The following DCAF8L2 variants were observed in gnomAD, a reference collection of about 807,000 sequenced individuals.
DCAF8L2 encodes DDB1 and CUL4 associated factor 8 like 2, also known as DDB1- and CUL4-associated factor 8-like protein 2.
For missense variants in DCAF8L2, 430 were observed against 490.7 expected (o/e 0.88, Z 1.17); for synonymous variants, 200 against 190.9 (o/e 1.05, Z -0.39).
intron 1 of DCAF8L2, among the ~76,000 whole-genome samples, chrX:27,626,143 G>A (rs770605947): frequency 1.8e-5 from 2 of 111,840 alleles, no homozygotes; most frequent in Non-Finnish European, 3.8e-5. Context: ...CTTTTTGAGG[G>A]AGCAGCAGGA....
chrX:27,476,122 G>C, the DCAF8L2 span, among the ~76,000 whole-genome samples: 1 of 110,712 alleles, frequency 9.0e-6, no homozygotes, highest in East Asian at 2.8e-4. Flanking sequence ...AAGGGGACAA[G>C]AGGAGAAAGG....
chrX:27,490,006 AG>A, the DCAF8L2 span, among the ~76,000 whole-genome samples: 7 of 111,473 alleles, frequency 6.3e-5, no homozygotes, highest in Admixed American at 5.7e-4. Context: ...CCTCCTGAGT[AG>A]CTAGGACTAC....
intron 3 of DCAF8L2, among the ~76,000 whole-genome samples, chrX:27,702,675 TAAC>T (rs1369402256): frequency 1.8e-5 from 2 of 111,043 alleles, no homozygotes; most frequent in African/African-American, 6.5e-5. Flanking sequence ...TAAAGCATCT[TAAC>T]AAGCTAGTAA....
At chrX:27,641,000 C>A (rs1928695781) in intron 2 of DCAF8L2, among the ~76,000 whole-genome samples, 1 of 111,546 alleles carries the variant, frequency 9.0e-6, no homozygotes, top group South Asian at 3.7e-4. Context: ...GAAAATAGTA[C>A]AATTTATTTC....
chrX:27,729,950 T>A (rs1910570158), intron 4 of DCAF8L2, among the ~76,000 whole-genome samples: 1 of 112,130 alleles, frequency 8.9e-6, no homozygotes, highest in African/African-American at 3.2e-5. Context: ...ATGGTTGAGA[T>A]AAGCATTGCA....
intron 3 of DCAF8L2, among the ~76,000 whole-genome samples, chrX:27,685,237 T>A (rs1930462236): frequency 8.9e-6 from 1 of 111,775 alleles, no homozygotes; most frequent in South Asian, 3.7e-4. Flanking sequence ...TGGGAAAAAT[T>A]TAAGTGACAA....
At chrX:27,553,524 T>A in the DCAF8L2 span, among the ~76,000 whole-genome samples, 375 of 111,566 alleles carry the variant, frequency 3.4e-3, 1 homozygote, top group African/African-American at 0.011. Flanking sequence ...TCTTTTTTTT[T>A]AAATCTTCTT....
intron 3 of DCAF8L2, among the ~76,000 whole-genome samples, chrX:27,708,818 C>T (rs925683674): frequency 1.8e-5 from 2 of 112,791 alleles, no homozygotes; most frequent in South Asian, 7.3e-4. Flanking sequence ...TTTCTTTCTA[C>T]TACCCATTTA....
At chrX:27,591,011 AT>A (rs1926058614) in intron 1 of DCAF8L2, among the ~76,000 whole-genome samples, 1 of 97,493 alleles carries the variant, frequency 1.0e-5, no homozygotes, top group Admixed American at 1.2e-4. Context: ...ATATATATAT[AT>A]ATAAATAAAT....
chrX:27,519,335 G>T, the DCAF8L2 span: 1 of 1,133,618 alleles, frequency 8.8e-7, no homozygotes, highest in Non-Finnish European at 1.2e-6. Context: ...AAGGAGCGTC[G>T]AGCTGCTGAA....
chrX:27,610,516 A>T (rs763762123), intron 1 of DCAF8L2, among the ~76,000 whole-genome samples: 1 of 111,770 alleles, frequency 8.9e-6, no homozygotes, highest in Non-Finnish European at 1.9e-5. Context: ...ACAGTGCTGC[A>T]ATTAATTCAT....
At chrX:27,574,815 C>T in the DCAF8L2 span, among the ~76,000 whole-genome samples, 1 of 111,076 alleles carries the variant, frequency 9.0e-6, no homozygotes, top group Non-Finnish European at 1.9e-5. Context: ...TATAGATGGG[C>T]AGGCTGTGAG....
chrX:27,618,442 C>A (rs1927576933), intron 1 of DCAF8L2, among the ~76,000 whole-genome samples: 1 of 111,728 alleles, frequency 9.0e-6, no homozygotes. Context: ...ACACAATTTT[C>A]TTTTTGGCAA....
chrX:27,608,260 T>C (rs1407816014), intron 1 of DCAF8L2, among the ~76,000 whole-genome samples: 1 of 111,764 alleles, frequency 8.9e-6, no homozygotes, highest in African/African-American at 3.2e-5. Flanking sequence ...TTTTCACTGC[T>C]GAAAATGTTT....
intron 3 of DCAF8L2, among the ~76,000 whole-genome samples, chrX:27,687,879 C>T (rs1380817213): frequency 1.8e-5 from 2 of 111,110 alleles, no homozygotes. Flanking sequence ...CTTTAGTTCT[C>T]TAGCTGAAAC....
chrX:27,529,613 A>G, the DCAF8L2 span, among the ~76,000 whole-genome samples: 4 of 111,920 alleles, frequency 3.6e-5, no homozygotes, highest in Non-Finnish European at 7.5e-5. Flanking sequence ...TGTAGGGTTG[A>G]AAAGTCAAGT....
chrX:27,745,997 G>A (rs1922141105), intron 4 of DCAF8L2, among the ~76,000 whole-genome samples: 1 of 111,268 alleles, frequency 9.0e-6, no homozygotes, highest in South Asian at 3.7e-4. Context: ...AACTCTGGTG[G>A]AATAAGAAAA....
chrX:27,634,983 C>CACACACAT (rs752185455), intron 2 of DCAF8L2, among the ~76,000 whole-genome samples: 2 of 99,190 alleles, frequency 2.0e-5, no homozygotes, highest in African/African-American at 7.8e-5. Context: ...CACACACACA[C>CACACACAT]ATATATAGAG....
At chrX:27,710,723 T>C (rs779929869) in intron 3 of DCAF8L2, among the ~76,000 whole-genome samples, 11 of 112,831 alleles carry the variant, frequency 9.7e-5, no homozygotes, top group African/African-American at 3.5e-4. Context: ...TAACATTTTA[T>C]CACTTTCATT....
Sources: gnomAD v4.1 joint callset for allele counts (sites outside exome capture counted in the v4.1 genomes callset) on GRCh38, gnomAD v4.1.1 for gene constraint, MANE v1.5 for transcripts, NCBI Gene and HGNC (gene_info 2026-07-23, HGNC 2026-07-21) for gene names.